CNTN4: variants seen among roughly 807,000 people sequenced by gnomAD.
The protein encoded by CNTN4 is contactin-4.
Under a neutral mutation model 122.5 loss-of-function variants are expected in CNTN4, and 77 were observed. The observed-to-expected ratio is 0.63, with a 90% CI of 0.52 to 0.76. The LOEUF (loss-of-function observed/expected upper bound fraction) is 0.76, where lower values mean the gene tolerates loss of function less well. Ranked by LOEUF, CNTN4 falls within the 30% of genes least tolerant of loss-of-function variation. The pLI is 0.00. For missense variants in CNTN4, 1,256 were observed against 1,259.1 expected (o/e 1.00, Z 0.04); for synonymous variants, 512 against 447.0 (o/e 1.15, Z -1.83).
chr3:2,142,439 A>G (rs1447563991), intron 2 of CNTN4, among the ~76,000 whole-genome samples: 1 of 151,052 alleles, frequency 6.6e-6, no homozygotes, highest in African/African-American at 2.4e-5. Flanking sequence ...ATCTCAGCTC[A>G]CTGCAACCTC....
chr3:2,450,862 A>G lies in CNTN4; in HGVS notation c.-89+111629A>G, dbSNP rs1341018395. 3.3e-5 allele frequency among the ~76,000 whole-genome samples: 5 copies of G among 152,242 alleles called. No individual in the cohort carries two copies. In the East Asian group the frequency reaches 5.8e-4, roughly 18 times the overall value. ...AATACCTGGCTGGGCCTGAAAAGGC[A>G]GACCCTGTCCTCTCTGCTTACCATA... is the stretch of plus-strand genomic sequence containing the variant. On this transcript the variant is annotated intron_variant, in intron 3 of 24. Coordinates refer to ENST00000418658, the MANE Select transcript of CNTN4 (RefSeq NM_175607.3).
intron 2 of CNTN4, among the ~76,000 whole-genome samples, chr3:2,210,575 A>G (rs1484666700): frequency 6.6e-6 from 1 of 152,186 alleles, no homozygotes; most frequent in Non-Finnish European, 1.5e-5. Context: ...GATAGCATGT[A>G]AAAATCCATG....
chr3:2,838,928 A>G (rs1022203199), intron 7 of CNTN4, among the ~76,000 whole-genome samples: 2 of 152,204 alleles, frequency 1.3e-5, no homozygotes, highest in African/African-American at 4.8e-5. Context: ...CAGAGAAAAG[A>G]CATCTGGCAT....
intron 12 of CNTN4, among the ~76,000 whole-genome samples, chr3:2,921,863 C>T (rs1169369079): frequency 1.3e-5 from 2 of 151,992 alleles, no homozygotes; most frequent in African/African-American, 4.8e-5. Flanking sequence ...CTTAAAATAC[C>T]CTTGATATAT....
intron 3 of CNTN4, among the ~76,000 whole-genome samples, chr3:2,487,353 A>T (rs2076192057): frequency 6.6e-6 from 1 of 152,204 alleles, no homozygotes; most frequent in Non-Finnish European, 1.5e-5. Context: ...TTAATTTAAG[A>T]AAGTAACAAG....
chr3:2,669,226 T>A (rs1284142227), intron 4 of CNTN4, among the ~76,000 whole-genome samples: 2 of 152,188 alleles, frequency 1.3e-5, no homozygotes, highest in Admixed American at 1.3e-4. Context: ...GGTCCTGGAC[T>A]TTCTTTGGTT....
chr3:2,663,240 AAAG>A (rs1372563421), intron 4 of CNTN4, among the ~76,000 whole-genome samples: 2 of 152,240 alleles, frequency 1.3e-5, no homozygotes, highest in African/African-American at 4.8e-5. Context: ...TAGAATCAAA[AAAG>A]TGAGTTAAGA....
At chr3:2,677,180 T>C (rs1485395368) in intron 4 of CNTN4, among the ~76,000 whole-genome samples, 1 of 145,980 alleles carries the variant, frequency 6.9e-6, no homozygotes, top group Non-Finnish European at 1.5e-5. Flanking sequence ...TAGATGTGTA[T>C]ATATATAGAT....
intron 4 of CNTN4, among the ~76,000 whole-genome samples, chr3:2,647,940 T>G (rs1342782285): frequency 6.6e-6 from 1 of 152,244 alleles, no homozygotes; most frequent in African/African-American, 2.4e-5. Flanking sequence ...CAATTAGATA[T>G]AAGTTTCTTT....
At chr3:2,968,005 G>A (rs1029522810) in intron 13 of CNTN4, among the ~76,000 whole-genome samples, 4 of 152,082 alleles carry the variant, frequency 2.6e-5, no homozygotes, top group Non-Finnish European at 4.4e-5. Context: ...TTGAAAGTTA[G>A]GGAAGTCTGC....
chr3:3,030,807 T>A (rs186189952), intron 15 of CNTN4, 48 bp from the exon 16 acceptor site: 1 of 1,603,254 alleles, frequency 6.2e-7, no homozygotes, highest in Non-Finnish European at 8.5e-7. Flanking sequence ...TAATGATATT[T>A]AGAGCTCATT....
rs546474069 is a variant in CNTN4, at chr3:2,329,884, C to G, written c.-144-9294C>G. 2.0e-5 allele frequency among the ~76,000 whole-genome samples: 3 copies of G among 152,308 alleles called. No individual in the cohort carries two copies. The East Asian group carries it at 5.8e-4, about 29-fold the overall frequency. ...CTCTCTACTTACACTAAACATGCCA[C>G]ACTTTTTGACCAGATGTGTGGGTTT... On this transcript the variant is annotated intron_variant, in intron 2 of 24. Transcript: ENST00000418658.
chr3:3,024,796 ACT>A (rs1190494826), intron 14 of CNTN4, among the ~76,000 whole-genome samples: 1 of 152,206 alleles, frequency 6.6e-6, no homozygotes, highest in Non-Finnish European at 1.5e-5. Flanking sequence ...AGCAAGTAAG[ACT>A]CACAAAAATT....
chr3:2,230,860 C>T (rs958991345), intron 2 of CNTN4, among the ~76,000 whole-genome samples: 10 of 152,028 alleles, frequency 6.6e-5, no homozygotes, highest in Non-Finnish European at 7.4e-5. Flanking sequence ...TGGTGGTGCA[C>T]GCCTCTAGTC....
chr3:2,824,990 G>A (rs1196594024), intron 7 of CNTN4, among the ~76,000 whole-genome samples: 2 of 152,056 alleles, frequency 1.3e-5, no homozygotes, highest in Non-Finnish European at 2.9e-5. Flanking sequence ...ATAAAATGTA[G>A]TTACCTTAGG....
At chr3:2,511,060 G>A (rs546524779) in intron 3 of CNTN4, among the ~76,000 whole-genome samples, 2 of 152,094 alleles carry the variant, frequency 1.3e-5, no homozygotes, top group African/African-American at 2.4e-5. Context: ...GAACATACAC[G>A]TGTATGTCGC....
chr3:2,768,010 C>T (rs2090938166), intron 6 of CNTN4, among the ~76,000 whole-genome samples: 1 of 152,130 alleles, frequency 6.6e-6, no homozygotes. Flanking sequence ...ATAAATGTTA[C>T]ATTTGGTTGA....
chr3:2,868,242 A>T (rs1168701356), intron 8 of CNTN4, among the ~76,000 whole-genome samples: 1 of 152,230 alleles, frequency 6.6e-6, no homozygotes, highest in Non-Finnish European at 1.5e-5. Context: ...ATTATATGAT[A>T]AACATTTTCT....
At chr3:2,862,108 T>G (rs1185242061) in intron 7 of CNTN4, among the ~76,000 whole-genome samples, 1 of 152,228 alleles carries the variant, frequency 6.6e-6, no homozygotes. Flanking sequence ...AAAGTTGGAC[T>G]AAGAGCCCTT....
Sources: gnomAD v4.1 joint callset for allele counts (sites outside exome capture counted in the v4.1 genomes callset) on GRCh38, gnomAD v4.1.1 for gene constraint, MANE v1.5 for transcripts, NCBI Gene and HGNC (gene_info 2026-07-23, HGNC 2026-07-21) for gene names.